VOPP1: variants seen among roughly 807,000 people sequenced by gnomAD.
VOPP1 encodes VOPP1 WW domain binding protein.
Under a neutral mutation model 23.5 loss-of-function variants are expected in VOPP1, and 8 were observed. That is an observed-to-expected ratio of 0.34 (90% confidence interval 0.20 to 0.61). The LOEUF is 0.61. VOPP1 is among the 20% of genes least tolerant of loss of function. The pLI is 0.78. For missense variants in VOPP1, 174 were observed against 238.1 expected (o/e 0.73, Z 1.77); for synonymous variants, 83 against 97.3 (o/e 0.85, Z 0.86).
intron 1 of VOPP1, among the ~76,000 whole-genome samples, chr7:55,557,662 G>A (rs1234571827): frequency 6.6e-6 from 1 of 152,180 alleles, no homozygotes; most frequent in Admixed American, 6.5e-5. Context: ...AAGGGGCCAA[G>A]TAACTCTGCC....
chr7:55,442,652 CAAA>C (rs11302671), intron 4 of VOPP1, among the ~76,000 whole-genome samples: 10 of 139,420 alleles, frequency 7.2e-5, no homozygotes, highest in African/African-American at 1.6e-4. Flanking sequence ...TGAAGTAGAC[CAAA>C]AAAAAAAAAA....
At chr7:55,513,653 C>T (rs1032603155) in intron 2 of VOPP1, among the ~76,000 whole-genome samples, 49 of 152,178 alleles carry the variant, frequency 3.2e-4, no homozygotes, top group Non-Finnish European at 4.9e-4. Flanking sequence ...GGAGACTTAG[C>T]ATCTCCTGGT....
intron 2 of VOPP1, among the ~76,000 whole-genome samples, chr7:55,499,337 G>A (rs71547936): frequency 0.045 from 6,776 of 152,202 alleles, 201 homozygotes; most frequent in Non-Finnish European, 0.071. Context: ...CTGTAGTCCC[G>A]GCTACTCAGG....
At chr7:55,536,117 G>C (rs1464740391) in intron 1 of VOPP1, among the ~76,000 whole-genome samples, 1 of 152,218 alleles carries the variant, frequency 6.6e-6, no homozygotes, top group South Asian at 2.1e-4. Flanking sequence ...GAAACCTTTG[G>C]TGGAAACGCT....
At chr7:55,451,793 A>T (rs1791251287) in intron 4 of VOPP1, among the ~76,000 whole-genome samples, 1 of 152,194 alleles carries the variant, frequency 6.6e-6, no homozygotes, top group Admixed American at 6.5e-5. Flanking sequence ...TCTGTCTAAA[A>T]ACAAACAAAA....
intron 4 of VOPP1, among the ~76,000 whole-genome samples, chr7:55,477,660 C>G (rs545266257): frequency 6.6e-6 from 1 of 152,188 alleles, no homozygotes; most frequent in Non-Finnish European, 1.5e-5. Flanking sequence ...TCGGTATCTT[C>G]GTGTTCATAG....
chr7:55,475,272 T>A (rs1326362849), intron 4 of VOPP1, among the ~76,000 whole-genome samples: 1 of 152,070 alleles, frequency 6.6e-6, no homozygotes, highest in Non-Finnish European at 1.5e-5. Flanking sequence ...TGGGAGCTGG[T>A]GCACAGGAAG....
chr7:55,538,510 A>C, intron 1 of VOPP1: 4 of 1,073,264 alleles, frequency 3.7e-6, no homozygotes, highest in South Asian at 3.3e-5. Flanking sequence ...CAAAAAGAAC[A>C]ACCCTATGGT....
chr7:55,550,192 T>C (rs977570345), intron 1 of VOPP1, among the ~76,000 whole-genome samples: 7 of 152,024 alleles, frequency 4.6e-5, no homozygotes, highest in Non-Finnish European at 8.8e-5. Context: ...GGAATAGCAA[T>C]AAAGCCGCCA....
downstream of VOPP1, among the ~76,000 whole-genome samples, chr7:55,466,960 G>A (rs1057416208): frequency 2.0e-5 from 3 of 152,110 alleles, no homozygotes; most frequent in Non-Finnish European, 4.4e-5. Flanking sequence ...ATTTTTCCAC[G>A]GACCAGGGGG....
At position 55,470,786 on chromosome 7, in the gene VOPP1, AG is replaced by A. The variant is rs1191572820; in HGVS notation, c.*2068del. ...TACACACCAGGAGCTGTCTCACTCC[AG>A]GAAGTGGGCACAACCCACCATCCAC... On this transcript the variant is annotated 3_prime_UTR_variant, in exon 5 of 5. Coordinates refer to ENST00000285279, the MANE Select transcript of VOPP1 (RefSeq NM_030796.5). 1 of 152,268 alleles carries A rather than the reference AG, an allele frequency of 6.6e-6. No homozygotes were observed. The highest frequency in any genetic ancestry group is 1.9e-4 in the East Asian group (1 of 5,184). The allele number at this position is 152,268 out of a possible 1,614,324, so 9.4% of individuals were successfully genotyped here.
intron 3 of VOPP1, among the ~76,000 whole-genome samples, chr7:55,492,689 C>T (rs146368862): frequency 0.012 from 1,771 of 152,320 alleles, 12 homozygotes; most frequent in Middle Eastern, 0.02. Flanking sequence ...GGCCACCCAC[C>T]CTGAAAAGCA....
intron 2 of VOPP1, among the ~76,000 whole-genome samples, chr7:55,518,428 C>T (rs772959293): frequency 5.9e-5 from 9 of 152,382 alleles, no homozygotes; most frequent in Non-Finnish European, 8.8e-5. Context: ...CTGGGCCAGG[C>T]AGCAGGGTTA....
chr7:55,566,161 C>A (rs941277133), intron 1 of VOPP1, among the ~76,000 whole-genome samples: 4 of 152,146 alleles, frequency 2.6e-5, no homozygotes, highest in Non-Finnish European at 4.4e-5. Context: ...ATAAAAAGGA[C>A]AAAGAGAAGC....
intron 1 of VOPP1, chr7:55,538,571 T>A (rs1478031765): frequency 6.6e-7 from 1 of 1,521,734 alleles, no homozygotes; most frequent in East Asian, 2.4e-5. Context: ...TAAACTGCTT[T>A]ACATGGTTTA....
intron 4 of VOPP1, among the ~76,000 whole-genome samples, chr7:55,475,178 A>G (rs1792140158): frequency 6.6e-6 from 1 of 152,340 alleles, no homozygotes; most frequent in South Asian, 2.1e-4. Context: ...GGGTAGGGAC[A>G]GACACAGGAC....
At chr7:55,537,802 C>A (rs1261653903) in intron 1 of VOPP1, 2 of 997,972 alleles carry the variant, frequency 2.0e-6, no homozygotes, top group Admixed American at 3.2e-5. Flanking sequence ...TTCCCACAGC[C>A]CCCACTTCCC....
intron 1 of VOPP1, among the ~76,000 whole-genome samples, chr7:55,524,592 G>A (rs1352311192): frequency 1.3e-5 from 2 of 152,228 alleles, no homozygotes; most frequent in Non-Finnish European, 2.9e-5. Flanking sequence ...AGAATGCAAA[G>A]TCACAGGTCT....
At chr7:55,450,153 C>G (rs1415446350) in intron 4 of VOPP1, among the ~76,000 whole-genome samples, 2 of 152,220 alleles carry the variant, frequency 1.3e-5, no homozygotes, top group Non-Finnish European at 2.9e-5. Flanking sequence ...CTGAGCTTCC[C>G]CTTGGGAGTT....
Sources: allele counts gnomAD v4.1 joint callset (sites outside exome capture counted in the v4.1 genomes callset), GRCh38; gene constraint gnomAD v4.1.1; transcripts MANE v1.5; gene names NCBI Gene and HGNC (gene_info 2026-07-23, HGNC 2026-07-21).